Variants in LHFPL6 observed in about 807,000 individuals in gnomAD.
LHFPL6 encodes the protein LHFPL tetraspan subfamily member 6 protein.
Under a neutral mutation model 20.6 loss-of-function variants are expected in LHFPL6, and 9 were observed. The ratio of observed to expected loss-of-function variants is 0.44; its 90% CI spans 0.26 to 0.76. The LOEUF (loss-of-function observed/expected upper bound fraction) is 0.76, where lower values mean the gene tolerates loss of function less well. Among genes scored for constraint, LHFPL6 ranks in the 30% least tolerant of loss-of-function variants. LHFPL6 has a pLI of 0.20. For synonymous variants in LHFPL6, 105 were observed against 98.7 expected, an observed-to-expected ratio of 1.06 and a Z score of -0.38; for missense variants, 218 against 253.5, an observed-to-expected ratio of 0.86 and a Z score of 0.95.
intron 2 of LHFPL6, among the ~76,000 whole-genome samples, chr13:39,476,761 T>C (rs1356986900): frequency 2.0e-5 from 3 of 152,198 alleles, no homozygotes; most frequent in South Asian, 4.1e-4. Context: ...TAAGAATGTA[T>C]GTACTCAATA....
chr13:39,405,416 A>T (rs1871093572), intron 2 of LHFPL6, among the ~76,000 whole-genome samples: 1 of 152,226 alleles, frequency 6.6e-6, no homozygotes, highest in Non-Finnish European at 1.5e-5. Context: ...ATTTTGATCA[A>T]GCATTTGGGA....
intron 2 of LHFPL6, among the ~76,000 whole-genome samples, chr13:39,410,105 C>A (rs1871212948): frequency 6.6e-6 from 1 of 152,194 alleles, no homozygotes; most frequent in Non-Finnish European, 1.5e-5. Context: ...TTAAAATTGT[C>A]TACCTACCTT....
chr13:39,416,927 G>C (rs1188906952), intron 2 of LHFPL6, among the ~76,000 whole-genome samples: 1 of 152,100 alleles, frequency 6.6e-6, no homozygotes, highest in Admixed American at 6.5e-5. Context: ...AATACATCTT[G>C]TACAATCACA....
At chr13:39,457,730 T>C (rs1040948097) in intron 2 of LHFPL6, among the ~76,000 whole-genome samples, 4 of 152,210 alleles carry the variant, frequency 2.6e-5, no homozygotes, top group Middle Eastern at 3.2e-3. Context: ...ATCTTGATAG[T>C]GGTAGTGGCT....
At chr13:39,413,284 C>T (rs2138389120) in intron 2 of LHFPL6, among the ~76,000 whole-genome samples, 1 of 152,284 alleles carries the variant, frequency 6.6e-6, no homozygotes, top group African/African-American at 2.4e-5. Flanking sequence ...TATGCCAATT[C>T]TTCAGAGCCT....
chr13:39,386,703 A>T (rs1011127917), intron 2 of LHFPL6, among the ~76,000 whole-genome samples: 1 of 152,178 alleles, frequency 6.6e-6, no homozygotes, highest in Non-Finnish European at 1.5e-5. Flanking sequence ...AATAATTGAA[A>T]CATATGTCAA....
At chr13:39,474,955 T>C (rs945512312) in intron 2 of LHFPL6, among the ~76,000 whole-genome samples, 1 of 152,202 alleles carries the variant, frequency 6.6e-6, no homozygotes, top group Non-Finnish European at 1.5e-5. Context: ...ATCAGTGGTT[T>C]TCACATTTTA....
At chr13:39,567,194 T>C (rs578225553) in intron 2 of LHFPL6, among the ~76,000 whole-genome samples, 2 of 152,328 alleles carry the variant, frequency 1.3e-5, no homozygotes, top group African/African-American at 2.4e-5. Context: ...CCTTGTTTCT[T>C]ATATTCCCAC....
chr13:39,409,889 T>C (rs1418110283), intron 2 of LHFPL6, among the ~76,000 whole-genome samples: 9 of 152,222 alleles, frequency 5.9e-5, no homozygotes, highest in Non-Finnish European at 1.2e-4. Context: ...AATAATTCAA[T>C]AGCATTCAAT....
At chr13:39,444,951 G>T (rs1872246615) in intron 2 of LHFPL6, among the ~76,000 whole-genome samples, 1 of 152,194 alleles carries the variant, frequency 6.6e-6, no homozygotes, top group African/African-American at 2.4e-5. Context: ...GAGCTGCTGG[G>T]TGGACTGAGC....
intron 2 of LHFPL6, among the ~76,000 whole-genome samples, chr13:39,415,925 G>A (rs1693474735): frequency 6.6e-6 from 1 of 152,140 alleles, no homozygotes. Context: ...GACATTTGAT[G>A]CTTAGATATT....
intron 2 of LHFPL6, among the ~76,000 whole-genome samples, chr13:39,415,804 T>C (rs1417132597): frequency 6.6e-6 from 1 of 152,246 alleles, no homozygotes; most frequent in Non-Finnish European, 1.5e-5. Flanking sequence ...GTGAGAAGTC[T>C]AAACCTTGAC....
chr13:39,535,257 T>C (rs1287699019), intron 2 of LHFPL6, among the ~76,000 whole-genome samples: 3 of 152,368 alleles, frequency 2.0e-5, no homozygotes, highest in South Asian at 2.1e-4. Context: ...GACTTTAACA[T>C]GTTTTTGTGA....
At chr13:39,471,939 C>T (rs1411455486) in intron 2 of LHFPL6, among the ~76,000 whole-genome samples, 1 of 152,198 alleles carries the variant, frequency 6.6e-6, no homozygotes, top group Non-Finnish European at 1.5e-5. Flanking sequence ...GATTCTTATC[C>T]TGTCTCCAGA....
intron 2 of LHFPL6, among the ~76,000 whole-genome samples, chr13:39,551,959 A>C (rs1361434132): frequency 1.3e-5 from 2 of 152,232 alleles, no homozygotes; most frequent in Non-Finnish European, 2.9e-5. Flanking sequence ...TTTCGACTGA[A>C]TAATGACTCA....
chr13:39,527,752 T>C (rs529288199), intron 2 of LHFPL6, among the ~76,000 whole-genome samples: 15 of 152,278 alleles, frequency 9.9e-5, no homozygotes, highest in African/African-American at 3.6e-4. Context: ...CCTTCTCAAA[T>C]AGACTACAAA....
chr13:39,494,909 T>C (rs1869047916), intron 2 of LHFPL6, among the ~76,000 whole-genome samples: 1 of 152,238 alleles, frequency 6.6e-6, no homozygotes, highest in Non-Finnish European at 1.5e-5. Flanking sequence ...AGATTGCTTA[T>C]ACTACCGATC....
chr13:39,485,396 G>A (rs1868691291), intron 2 of LHFPL6, among the ~76,000 whole-genome samples: 1 of 152,090 alleles, frequency 6.6e-6, no homozygotes. Context: ...TGATTCAAGA[G>A]AAATCTCTTC....
chr13:39,387,329 A>G (rs1259368641), intron 2 of LHFPL6, among the ~76,000 whole-genome samples: 1 of 151,858 alleles, frequency 6.6e-6, no homozygotes, highest in Non-Finnish European at 1.5e-5. Context: ...TGCGTGGATC[A>G]CCAGGTCAGG....
Sources: gnomAD v4.1 joint callset for allele counts (sites outside exome capture counted in the v4.1 genomes callset) on GRCh38, gnomAD v4.1.1 for gene constraint, MANE v1.5 for transcripts, NCBI Gene and HGNC (gene_info 2026-07-23, HGNC 2026-07-21) for gene names.